Variants in HEATR5A observed in about 807,000 individuals in gnomAD.
HEATR5A encodes the protein HEAT repeat containing 5A, also known as HEAT repeat-containing protein 5A.
HEATR5A carries 178 observed loss-of-function variants against 218.8 expected under a neutral mutation model. That is an observed-to-expected ratio of 0.81 (90% CI 0.72 to 0.92). The LOEUF (loss-of-function observed/expected upper bound fraction) is 0.92. HEATR5A is among the 40% of genes least tolerant of loss of function. The pLI, the probability that HEATR5A is intolerant of heterozygous loss-of-function variation, is 0.00. For missense variants in HEATR5A, 2,420 were observed against 2,418.9 expected (o/e 1.00, Z -0.01); for synonymous variants, 864 against 871.6 (o/e 0.99, Z 0.15).
At chr14:31,370,545 G>T (rs961875266) in intron 13 of HEATR5A, among the ~76,000 whole-genome samples, 5 of 152,162 alleles carry the variant, frequency 3.3e-5, no homozygotes, top group East Asian at 1.9e-4. Context: ...TTTATTTTCT[G>T]AAGTTGAACA....
At chr14:31,358,518 A>C (rs1027916447) in intron 16 of HEATR5A, 119 bp downstream of exon 16, 2 of 911,130 alleles carry the variant, frequency 2.2e-6, no homozygotes, top group Admixed American at 2.4e-5. Flanking sequence ...ACAAAAACTT[A>C]TATTTCACCT....
Position 31,398,733 on chromosome 14 carries a change from T to C in HEATR5A, c.387A>G (p.Ile129Met), listed in dbSNP as rs183934760. ...CTGTATCAGTAAAGGTGTTACCCAG[T>C]ATTCTACCCAACTTCTTGTACAAGG... ...LGSLYKKLGRILGNTFTDTVG... is the reference protein window; with the variant it reads ...LGSLYKKLGRMLGNTFTDTVG... Residue 129 changes from isoleucine to methionine, a missense_variant, in exon 4 of 36, where the codon ATA (isoleucine) becomes ATG (methionine). Ile to Met is a conservative substitution (Grantham distance 10, BLOSUM62 1). Coordinates refer to ENST00000543095, the MANE Select transcript of HEATR5A (RefSeq NM_015473.4). The C allele has an allele frequency of 1.2e-5, 19 of 1,533,824 alleles. No individual in the cohort carries two copies. In the Admixed American group the frequency reaches 1.4e-4, roughly 11 times the overall value.
chr14:31,394,318 C>A, intron 5 of HEATR5A, 92 bp from the exon 6 acceptor site: 2 of 623,682 alleles, frequency 3.2e-6, no homozygotes, highest in Non-Finnish European at 2.5e-6. Flanking sequence ...CAGCGTCTAA[C>A]AAATAATATA....
chr14:31,396,516 T>C (rs1275500890), intron 4 of HEATR5A, among the ~76,000 whole-genome samples: 1 of 152,214 alleles, frequency 6.6e-6, no homozygotes, highest in Non-Finnish European at 1.5e-5. Context: ...ATCATATCTA[T>C]ATCCCAGGAA....
rs1350646395 is a variant in HEATR5A, at chr14:31,380,576, A to C, written c.1599T>G (p.Ile533Met). 3.2e-6 allele frequency: 5 copies of C among 1,578,298 alleles called. No individual in the cohort carries two copies. The Admixed American group carries it at 5.4e-5, about 17-fold the overall frequency. The change falls in exon 11 of 36, where the codon ATT (isoleucine) becomes ATG (methionine). Residue 533 changes from isoleucine (I) to methionine (M), a missense_variant and splice_region_variant. Coordinates refer to ENST00000543095, the MANE Select transcript of HEATR5A (RefSeq NM_015473.4). ...GCAAATCCTCTGCTAATGTCATAAT[A>C]ATCTATTTACATATAGAACAAGTTT... is the stretch of plus-strand genomic sequence containing the variant. ...PLGIPHGKGKIIMTLAEDLLC... is the reference protein window; with the variant it reads ...PLGIPHGKGKMIMTLAEDLLC...
At chr14:31,376,793 C>A (rs762212448) in intron 11 of HEATR5A, among the ~76,000 whole-genome samples, 36 of 152,140 alleles carry the variant, frequency 2.4e-4, no homozygotes, top group Admixed American at 9.2e-4. Context: ...GTTTAAAATG[C>A]AAAGCAAAAA....
Position 31,347,885 on chromosome 14 carries a change from C to G in HEATR5A, c.2731G>C (p.Val911Leu). ...GCCAATGAGTGTCCTGTTCTGGTAA[C>G]CACATCCCTTGCTGATTTCAATCTG... ...FDKLKSARDV[V>L]TRTGHSLALG... The change falls in exon 19 of 36, where the codon GTT becomes CTT. Residue 911 changes from valine (V) to leucine (L), a missense_variant. Transcript: ENST00000543095. 1 of 1,533,712 alleles carries G rather than the reference C, an allele frequency of 6.5e-7. No homozygotes were observed. Among genetic ancestry groups the G allele is most frequent in the Non-Finnish European group, 8.7e-7 (1 of 1,143,496 alleles).
intron 11 of HEATR5A, among the ~76,000 whole-genome samples, chr14:31,376,905 A>G (rs1393849050): frequency 1.3e-5 from 2 of 152,172 alleles, no homozygotes; most frequent in East Asian, 3.9e-4. Flanking sequence ...CAGGAGGATC[A>G]CTTGAGCTCT....
intron 13 of HEATR5A, among the ~76,000 whole-genome samples, chr14:31,368,991 T>G (rs1901914727): frequency 6.6e-6 from 1 of 152,102 alleles, no homozygotes; most frequent in Non-Finnish European, 1.5e-5. Context: ...AATGAACAGC[T>G]AAAGAATAGT....
chr14:31,326,093 T>C, intron 23 of HEATR5A, 70 bp downstream of exon 23: 2 of 1,203,528 alleles, frequency 1.7e-6, no homozygotes, highest in Middle Eastern at 2.2e-4. Flanking sequence ...GAATTCTCAG[T>C]GGTAAACAAT....
At chr14:31,365,532 T>C (rs926902655) in intron 13 of HEATR5A, among the ~76,000 whole-genome samples, 6 of 151,766 alleles carry the variant, frequency 4.0e-5, no homozygotes, top group Non-Finnish European at 8.8e-5. Context: ...GGCTAATTTT[T>C]TGTATTTTTA....
Position 31,326,347 on chromosome 14 carries a change from C to A in HEATR5A, c.3368-5G>T, listed in dbSNP as rs1900264602. 1.2e-6 allele frequency: 2 copies of A among 1,601,674 alleles called. No homozygotes were observed. Among genetic ancestry groups the A allele is most frequent in the African/African-American group, 2.7e-5 (2 of 74,220 alleles). Reference sequence around the variant, plus strand: ...CAACTTCTCTGATGTTAGCATCTGACAAGAAGAAAATCAATTATCTAAGTA... The same window carrying A: ...CAACTTCTCTGATGTTAGCATCTGAAAAGAAGAAAATCAATTATCTAAGTA... On this transcript the variant is annotated splice_polypyrimidine_tract_variant and splice_region_variant and intron_variant, in intron 22 of 35. Transcript: ENST00000543095.
rs184720585 is a variant in HEATR5A at position 31,316,257 on chromosome 14, T to C, written c.4039-308A>G. 6.3e-4 allele frequency among the ~76,000 whole-genome samples: 96 copies of C among 152,050 alleles called. No individual in the cohort carries two copies. The Middle Eastern group carries it at 0.014, about 22-fold the overall frequency. On this transcript the variant is annotated intron_variant, in intron 26 of 35. Transcript: ENST00000543095. ...GGATTGAGCCACGTATCTAGACCTCTAGATTGGGTGGCAGAGTGAGACCCC... is the reference window on the plus strand; with the variant it reads ...GGATTGAGCCACGTATCTAGACCTCCAGATTGGGTGGCAGAGTGAGACCCC...
At chr14:31,320,293 G>A (rs182986284) in intron 25 of HEATR5A, 12 of 725,136 alleles carry the variant, frequency 1.7e-5, no homozygotes, top group Non-Finnish European at 2.8e-5. Context: ...ACAGGGCAAA[G>A]CCCAGAATGG....
At chr14:31,340,519 A>G (rs768503784) in intron 21 of HEATR5A, 28 of 1,223,064 alleles carry the variant, frequency 2.3e-5, no homozygotes, top group Non-Finnish European at 2.9e-5. Context: ...CAAAACCAAA[A>G]GATAAATATT....
chr14:31,419,906 ATCCACACTC>A (rs745722373), intron 1 of HEATR5A, among the ~76,000 whole-genome samples: 66 of 152,352 alleles, frequency 4.3e-4, no homozygotes, highest in Non-Finnish European at 8.2e-4. Flanking sequence ...GAAAGCAAAT[ATCCACACTC>A]TCCACTGCTC....
intron 28 of HEATR5A, 76 bp from the exon 29 acceptor site, chr14:31,309,258 G>A (rs1372155250): frequency 6.6e-7 from 1 of 1,505,038 alleles, no homozygotes. Context: ...ACAAGATATA[G>A]ACCATTTCCA....
At chr14:31,318,656 A>C (rs965626506) in intron 25 of HEATR5A, among the ~76,000 whole-genome samples, 1 of 152,056 alleles carries the variant, frequency 6.6e-6, no homozygotes, top group Non-Finnish European at 1.5e-5. Flanking sequence ...GCAACCAGCT[A>C]ATTTTGTATT....
At chr14:31,365,074 C>T (rs1329893575) in intron 13 of HEATR5A, among the ~76,000 whole-genome samples, 2 of 150,960 alleles carry the variant, frequency 1.3e-5, no homozygotes, top group African/African-American at 4.9e-5. Context: ...GGGGTTTTAC[C>T]ATATTGGCCA....
Sources: allele counts gnomAD v4.1 joint callset (sites outside exome capture counted in the v4.1 genomes callset), GRCh38; gene constraint gnomAD v4.1.1; transcripts MANE v1.5; gene names NCBI Gene and HGNC (gene_info 2026-07-23, HGNC 2026-07-21).